SMAGP: variants seen among roughly 807,000 people sequenced by gnomAD.
The protein encoded by SMAGP is small cell transmembrane and glycosylated protein.
In SMAGP, 7 loss-of-function variants were observed where a neutral mutation model predicts 10.1. The ratio of observed to expected loss-of-function variants is 0.70; its 90% CI spans 0.40 to 1.31. The LOEUF (loss-of-function observed/expected upper bound fraction) is 1.31, where lower values mean the gene tolerates loss of function less well. Among genes scored for constraint, SMAGP ranks in the 50% most tolerant of loss-of-function variants. The pLI, the probability that SMAGP is intolerant of heterozygous loss-of-function variation, is 0.01. For synonymous variants in SMAGP, 49 were observed against 47.2 expected (o/e 1.04, Z -0.16); for missense variants, 113 against 116.5 (o/e 0.97, Z 0.14).
At position 51,249,727 on chromosome 12, in the gene SMAGP, C is replaced by T. The variant is rs573908264; in HGVS notation, c.35-2896G>A. On this transcript the variant is annotated intron_variant, in intron 2 of 3. Coordinates refer to ENST00000603798, the MANE Select transcript of SMAGP (RefSeq NM_001031628.2). ...CCACCTCCTGGCTCAAGCGATTCTT[C>T]TGCCTCAGCCTCCTGAGTAGCTGGG... Among the ~76,000 whole-genome samples the T allele has an allele frequency of 3.3e-5, 5 of 152,182 alleles. No individual in the cohort carries two copies. The East Asian group carries it at 9.7e-4, about 29-fold the overall frequency.
chr12:51,255,295 C>T (rs1241351339), intron 2 of SMAGP, among the ~76,000 whole-genome samples: 7 of 152,284 alleles, frequency 4.6e-5, no homozygotes, highest in Admixed American at 2.6e-4. Context: ...CCTTGGCCTC[C>T]CAAAGTGTTG....
In SMAGP at chr12:51,245,746, T is replaced by C. The variant is rs937925347; in HGVS notation, c.*195A>G. 18 of 574,670 alleles carry C rather than the reference T, an allele frequency of 3.1e-5. No homozygotes were observed. Among genetic ancestry groups the C allele is most frequent in the Non-Finnish European group, 4.6e-5 (15 of 327,966 alleles). 35.6% of individuals were successfully genotyped at this position (574,670 alleles called of 1,614,324 possible). ...TAGTAAGAGGGCCTGGTTAAAGATA[T>C]CATAAACAGCTTTCTCCATGTCCCT... On this transcript the variant is annotated 3_prime_UTR_variant, in exon 4 of 4. Coordinates refer to ENST00000603798, the MANE Select transcript of SMAGP (RefSeq NM_001031628.2).
chr12:51,255,251 G>A (rs1944875104), intron 2 of SMAGP, among the ~76,000 whole-genome samples: 1 of 152,080 alleles, frequency 6.6e-6, no homozygotes, highest in Admixed American at 6.6e-5. Flanking sequence ...GCCCAGGCTC[G>A]TCTCAAAACT....
chr12:51,252,563 T>G (rs1944848530), intron 2 of SMAGP, among the ~76,000 whole-genome samples: 1 of 152,136 alleles, frequency 6.6e-6, no homozygotes, highest in South Asian at 2.1e-4. Flanking sequence ...GGCTAATTTT[T>G]GTATTTTTTA....
chr12:51,250,062 T>C (rs1470807077), intron 2 of SMAGP, among the ~76,000 whole-genome samples: 1 of 151,788 alleles, frequency 6.6e-6, no homozygotes, highest in Non-Finnish European at 1.5e-5. Flanking sequence ...TAAGGTGACT[T>C]TGTTAATATG....
intron 2 of SMAGP, among the ~76,000 whole-genome samples, chr12:51,258,964 T>C (rs1183486933): frequency 9.2e-6 from 1 of 109,060 alleles, no homozygotes. Context: ...CTGGGCAACA[T>C]GGGGAGACCC....
chr12:51,250,273 T>G (rs1407133120), intron 2 of SMAGP, among the ~76,000 whole-genome samples: 1 of 150,624 alleles, frequency 6.6e-6, no homozygotes, highest in East Asian at 2.0e-4. Context: ...TCCCAGATAC[T>G]CATGAGGCTG....
intron 2 of SMAGP, among the ~76,000 whole-genome samples, chr12:51,254,240 G>A (rs933645848): frequency 7.9e-5 from 12 of 152,038 alleles, no homozygotes; most frequent in African/African-American, 2.7e-4. Context: ...ATTTTTAGAG[G>A]GGGAAGACAG....
intron 2 of SMAGP, among the ~76,000 whole-genome samples, chr12:51,248,217 C>T (rs1467032735): frequency 1.3e-5 from 2 of 152,090 alleles, no homozygotes; most frequent in South Asian, 2.1e-4. Context: ...GGTCTTTCCA[C>T]GCGGGCCCAG....
chr12:51,261,189 A>G (rs1236675687), intron 2 of SMAGP, among the ~76,000 whole-genome samples: 5 of 127,344 alleles, frequency 3.9e-5, no homozygotes, highest in Admixed American at 2.5e-4. Context: ...TCCGCCTCCC[A>G]GGTTCAAGCG....
chr12:51,265,865 G>A (rs930468593), intron 2 of SMAGP, among the ~76,000 whole-genome samples: 5 of 152,106 alleles, frequency 3.3e-5, no homozygotes, highest in Non-Finnish European at 5.9e-5. Flanking sequence ...GGCGGATCAC[G>A]AGGTCAGGAG....
chr12:51,264,370 C>T (rs1473489847), intron 2 of SMAGP, among the ~76,000 whole-genome samples: 1 of 152,156 alleles, frequency 6.6e-6, no homozygotes, highest in Non-Finnish European at 1.5e-5. Context: ...AGGTGGCTTG[C>T]GCCTATAATC....
chr12:51,248,014 T>C (rs1944795158), intron 2 of SMAGP, among the ~76,000 whole-genome samples: 1 of 152,044 alleles, frequency 6.6e-6, no homozygotes, highest in Non-Finnish European at 1.5e-5. Flanking sequence ...TGGGGCACAT[T>C]CTAGGCAGAG....
chr12:51,262,173 G>A (rs2137308144), intron 2 of SMAGP, among the ~76,000 whole-genome samples: 1 of 152,148 alleles, frequency 6.6e-6, no homozygotes, highest in South Asian at 2.1e-4. Flanking sequence ...TGAGGGGCAT[G>A]TATTACCTTT....
At chr12:51,267,330 G>C (rs1944983162) in intron 2 of SMAGP, among the ~76,000 whole-genome samples, 3 of 151,728 alleles carry the variant, frequency 2.0e-5, no homozygotes, top group African/African-American at 7.3e-5. Flanking sequence ...TCTAGAGCAG[G>C]TACACACGAA....
At chr12:51,247,333 CTAAT>C (rs1206632761) in intron 2 of SMAGP, among the ~76,000 whole-genome samples, 1 of 152,128 alleles carries the variant, frequency 6.6e-6, no homozygotes, top group Non-Finnish European at 1.5e-5. Flanking sequence ...AGCATTCTTA[CTAAT>C]TCTTTGTAAA....
chr12:51,248,452 T>A (rs1028725480), intron 2 of SMAGP, among the ~76,000 whole-genome samples: 60 of 147,152 alleles, frequency 4.1e-4, no homozygotes, highest in African/African-American at 1.5e-3. Context: ...TCTCTCTCTC[T>A]CTCTCTCTCT....
At chr12:51,258,984 CAAAAAAA>C (rs35000436) in intron 2 of SMAGP, among the ~76,000 whole-genome samples, 52 of 51,016 alleles carry the variant, frequency 1.0e-3, no homozygotes, top group African/African-American at 2.1e-3. Flanking sequence ...CTGTCTCTAC[CAAAAAAA>C]AAAAAAAAAA....
intron 2 of SMAGP, among the ~76,000 whole-genome samples, chr12:51,255,812 T>C (rs192955164): frequency 6.6e-6 from 1 of 152,266 alleles, no homozygotes; most frequent in Admixed American, 6.5e-5. Flanking sequence ...TGCTCTGTTG[T>C]CCAGGCTGGA....
Sources: allele counts gnomAD v4.1 joint callset (sites outside exome capture counted in the v4.1 genomes callset), GRCh38; gene constraint gnomAD v4.1.1; transcripts MANE v1.5; gene names NCBI Gene and HGNC (gene_info 2026-07-23, HGNC 2026-07-21).